The following CDH13 variants were observed in gnomAD, a reference collection of about 807,000 sequenced individuals.
CDH13 encodes the protein cadherin-13.
CDH13 carries 24 observed loss-of-function variants against 63.8 expected under a neutral mutation model. The observed-to-expected ratio is 0.38, with a 90% CI of 0.27 to 0.53. The LOEUF (loss-of-function observed/expected upper bound fraction) is 0.53. CDH13 is among the 20% of genes least tolerant of loss of function. The probability of loss-of-function intolerance (pLI) is 0.85; values close to 1 mark genes in which losing one functional copy is unlikely to be tolerated. For missense variants in CDH13, 1,049 were observed against 903.1 expected (o/e 1.16, Z -2.07); for synonymous variants, 503 against 355.3 (o/e 1.42, Z -4.67).
At chr16:83,241,308 C>G (rs143880920) in intron 5 of CDH13, among the ~76,000 whole-genome samples, 16 of 152,318 alleles carry the variant, frequency 1.1e-4, no homozygotes, top group African/African-American at 3.6e-4. Flanking sequence ...ATGCAAGTAT[C>G]TCTTTCAGAT....
At chr16:83,279,510 C>T (rs967103159) in intron 5 of CDH13, among the ~76,000 whole-genome samples, 2 of 152,176 alleles carry the variant, frequency 1.3e-5, no homozygotes, top group Admixed American at 6.5e-5. Flanking sequence ...CTGCCGCATT[C>T]TGGAAACCGC....
At chr16:82,649,472 T>C (rs983581700) in intron 1 of CDH13, among the ~76,000 whole-genome samples, 11 of 152,136 alleles carry the variant, frequency 7.2e-5, no homozygotes, top group African/African-American at 2.2e-4. Flanking sequence ...GAGAAAGCAC[T>C]AGATTCAACA....
intron 2 of CDH13, among the ~76,000 whole-genome samples, chr16:82,965,943 C>A (rs1049062682): frequency 2.0e-5 from 3 of 152,162 alleles, no homozygotes; most frequent in African/African-American, 7.2e-5. Flanking sequence ...AGAAAAAGTG[C>A]ACATGTAAAG....
chr16:82,658,018 C>G (rs2150920205), intron 1 of CDH13, among the ~76,000 whole-genome samples: 1 of 152,294 alleles, frequency 6.6e-6, no homozygotes, highest in East Asian at 1.9e-4. Context: ...AGCTAGTTTC[C>G]TACCATGAAG....
intron 7 of CDH13, among the ~76,000 whole-genome samples, chr16:83,515,264 A>C (rs2074674334): frequency 6.6e-6 from 1 of 152,142 alleles, no homozygotes; most frequent in Non-Finnish European, 1.5e-5. Context: ...AGCCTCTTTG[A>C]TTAGAATTCT....
intron 1 of CDH13, among the ~76,000 whole-genome samples, chr16:82,736,853 G>A (rs756034594): frequency 6.6e-6 from 1 of 152,106 alleles, no homozygotes; most frequent in Non-Finnish European, 1.5e-5. Flanking sequence ...TGGTCAGATG[G>A]CCTCTCTTGG....
chr16:83,273,634 A>G (rs1455087329), intron 5 of CDH13, among the ~76,000 whole-genome samples: 3 of 152,172 alleles, frequency 2.0e-5, no homozygotes. Flanking sequence ...GCCAACAGGG[A>G]GGCCCATTTA....
At chr16:83,539,983 C>G (rs2075269185) in intron 7 of CDH13, among the ~76,000 whole-genome samples, 1 of 152,094 alleles carries the variant, frequency 6.6e-6, no homozygotes, top group Non-Finnish European at 1.5e-5. Flanking sequence ...ATAAAATTCT[C>G]TTGCTTCTGA....
At chr16:83,728,564 G>GTTTA (rs1910697473) in intron 10 of CDH13, among the ~76,000 whole-genome samples, 2 of 152,106 alleles carry the variant, frequency 1.3e-5, no homozygotes, top group Admixed American at 1.3e-4. Context: ...AGTCACCAGT[G>GTTTA]TTTACCAAGT....
chr16:83,545,184 T>A (rs1484157030), intron 7 of CDH13, among the ~76,000 whole-genome samples: 1 of 152,072 alleles, frequency 6.6e-6, no homozygotes, highest in Non-Finnish European at 1.5e-5. Context: ...CGATGTTAAA[T>A]CCCACATGAC....
intron 1 of CDH13, among the ~76,000 whole-genome samples, chr16:82,728,571 A>C (rs778266253): frequency 1.3e-5 from 2 of 152,182 alleles, no homozygotes; most frequent in Non-Finnish European, 1.5e-5. Context: ...TATTGCTACA[A>C]AATATGAATG....
At position 83,795,683 on chromosome 16, in the gene CDH13, G is replaced by C. The variant is rs1904277694; in HGVS notation, c.*653G>C. The C allele has an allele frequency of 6.6e-6, 1 of 152,208 alleles. No homozygotes were observed. Among genetic ancestry groups the C allele is most frequent in the Non-Finnish European group, 1.5e-5 (1 of 68,086 alleles). The allele number at this position is 152,208 out of a possible 1,614,324, so 9.4% of individuals were successfully genotyped here. ...GAAAGAAGTCCTTTCTCTTTATTGA[G>C]TTCGAGGACTACAACCAATTTACAC... On this transcript the variant is annotated 3_prime_UTR_variant, in exon 14 of 14. Coordinates refer to ENST00000567109, the MANE Select transcript of CDH13 (RefSeq NM_001257.5).
At chr16:83,520,294 C>G (rs1021033363) in intron 7 of CDH13, among the ~76,000 whole-genome samples, 1 of 152,086 alleles carries the variant, frequency 6.6e-6, no homozygotes, top group Non-Finnish European at 1.5e-5. Context: ...ATGATTCCAT[C>G]GTTTATGAAG....
At chr16:83,734,337 G>A (rs979161511) in intron 10 of CDH13, among the ~76,000 whole-genome samples, 1 of 152,158 alleles carries the variant, frequency 6.6e-6, no homozygotes, top group Non-Finnish European at 1.5e-5. Context: ...CTTTAATCGG[G>A]TGCTGCTGCA....
chr16:83,075,073 T>C (rs893198592), intron 3 of CDH13, among the ~76,000 whole-genome samples: 1 of 152,184 alleles, frequency 6.6e-6, no homozygotes, highest in East Asian at 1.9e-4. Context: ...CCAGCATCCT[T>C]GACCCTTAAT....
intron 8 of CDH13, among the ~76,000 whole-genome samples, chr16:83,636,139 A>T (rs78042822): frequency 0.013 from 1,918 of 151,154 alleles, 23 homozygotes; most frequent in Non-Finnish European, 0.018. Flanking sequence ...GTATTTGTGC[A>T]GGTCTATTCC....
intron 6 of CDH13, among the ~76,000 whole-genome samples, chr16:83,439,354 T>C (rs941900983): frequency 6.6e-6 from 1 of 152,218 alleles, no homozygotes; most frequent in African/African-American, 2.4e-5. Flanking sequence ...GTTGGGTTGA[T>C]TGCTCATTGC....
At chr16:83,103,935 C>T (rs1049209550) in intron 3 of CDH13, among the ~76,000 whole-genome samples, 12 of 152,170 alleles carry the variant, frequency 7.9e-5, no homozygotes, top group African/African-American at 2.9e-4. Flanking sequence ...TAAAAAATTA[C>T]TCCTTTCCTG....
chr16:83,394,692 A>C (rs561962212), intron 6 of CDH13, among the ~76,000 whole-genome samples: 3 of 152,280 alleles, frequency 2.0e-5, no homozygotes, highest in South Asian at 4.1e-4. Context: ...AAAGTGGATG[A>C]GAACAAAAGC....
Sources: gnomAD v4.1 joint callset for allele counts (sites outside exome capture counted in the v4.1 genomes callset) on GRCh38, gnomAD v4.1.1 for gene constraint, MANE v1.5 for transcripts, NCBI Gene and HGNC (gene_info 2026-07-23, HGNC 2026-07-21) for gene names.